GAB3: variants seen among roughly 807,000 people sequenced by gnomAD.
The protein encoded by GAB3 is GRB2-associated-binding protein 3.
A neutral mutation model predicts 40.4 loss-of-function variants in GAB3; 12 were observed. The ratio of observed to expected loss-of-function variants is 0.30; its 90% CI spans 0.19 to 0.48. The LOEUF (loss-of-function observed/expected upper bound fraction) is 0.48, where lower values mean the gene tolerates loss of function less well. GAB3 is among the 20% of genes least tolerant of loss of function. GAB3 has a pLI of 0.99. For missense variants in GAB3, 381 were observed against 461.9 expected (o/e 0.82, Z 1.61); for synonymous variants, 154 against 176.7 (o/e 0.87, Z 1.02).
intron 6 of GAB3, among the ~76,000 whole-genome samples, chrX:154,698,835 G>A (rs1227437567): frequency 2.7e-5 from 3 of 111,888 alleles, no homozygotes; most frequent in African/African-American, 9.7e-5. Flanking sequence ...TGCACAGAAC[G>A]ATGAGTGATA....
chrX:154,709,424 G>C (rs1342001647), intron 4 of GAB3, among the ~76,000 whole-genome samples: 2 of 107,672 alleles, frequency 1.9e-5, no homozygotes, highest in Non-Finnish European at 3.8e-5. Context: ...AGGTTCAAGC[G>C]ATTCTCCTGC....
At chrX:154,703,855 C>T (rs1209649337) in intron 4 of GAB3, among the ~76,000 whole-genome samples, 1 of 110,893 alleles carries the variant, frequency 9.0e-6, no homozygotes, top group Non-Finnish European at 1.9e-5. Flanking sequence ...AACTAAAAAT[C>T]GAGCTACCAT....
intron 1 of GAB3, among the ~76,000 whole-genome samples, chrX:154,738,579 G>T (rs1231323402): frequency 8.9e-6 from 1 of 111,806 alleles, no homozygotes; most frequent in Non-Finnish European, 1.9e-5. Context: ...CATTGGAGTT[G>T]CTGTAATTCA....
intron 1 of GAB3, among the ~76,000 whole-genome samples, chrX:154,730,761 C>T (rs1465002641): frequency 8.9e-6 from 1 of 112,231 alleles, no homozygotes; most frequent in Non-Finnish European, 1.9e-5. Flanking sequence ...TCCTCTCTAT[C>T]CTGGCTCAAT....
At position 154,706,350 on chromosome X, in the gene GAB3, A is replaced by G. The variant is rs1179797354; in HGVS notation, c.1069+5879T>C. On this transcript the variant is annotated intron_variant, in intron 4 of 9. Coordinates refer to ENST00000424127, the MANE Select transcript of GAB3 (RefSeq NM_001081573.3). Reference sequence around the variant, plus strand: ...AGAATCGCTTGAACCTGGAAGGCAGAGGTTGCAGTGAGCCAAGATCGCACC... The same window carrying G: ...AGAATCGCTTGAACCTGGAAGGCAGGGGTTGCAGTGAGCCAAGATCGCACC... 8.3e-5 allele frequency among the ~76,000 whole-genome samples: 9 copies of G among 107,932 alleles called. No individual in the cohort carries two copies. The Admixed American group carries it at 8.9e-4, about 11-fold the overall frequency. The allele number at this position is 107,932 out of a possible 115,157, so 93.7% of individuals were successfully genotyped here.
At chrX:154,678,532 T>C (rs2070329095) in intron 9 of GAB3, among the ~76,000 whole-genome samples, 1 of 111,933 alleles carries the variant, frequency 8.9e-6, no homozygotes, top group Non-Finnish European at 1.9e-5. Flanking sequence ...TGGCCTGGCA[T>C]GGCGGCACGT....
intron 8 of GAB3, among the ~76,000 whole-genome samples, chrX:154,683,677 T>TATACTTC (rs2070407696): frequency 1.8e-5 from 2 of 112,236 alleles, no homozygotes; most frequent in Admixed American, 1.9e-4. Context: ...TCAAGTTGCT[T>TATACTTC]CTTGCCTTCC....
chrX:154,751,141 C>A, upstream of GAB3: 1 of 662,094 alleles, frequency 1.5e-6, no homozygotes, highest in Non-Finnish European at 1.8e-6. Flanking sequence ...CCGCCCCGAG[C>A]GGCCGCTGCG....
chrX:154,710,125 G>A (rs1342643717), intron 4 of GAB3, among the ~76,000 whole-genome samples: 2 of 111,220 alleles, frequency 1.8e-5, no homozygotes, highest in Non-Finnish European at 3.8e-5. Flanking sequence ...TTCACACCTT[G>A]AATATGTGCA....
Position 154,676,450 on chromosome X carries a change from C to T in GAB3, c.*1728G>A, listed in dbSNP as rs913182052. On this transcript the variant is annotated 3_prime_UTR_variant, in exon 10 of 10. Coordinates refer to ENST00000424127, the MANE Select transcript of GAB3 (RefSeq NM_001081573.3). ...TCTGGCTGTGTGTGGTGATGCAGAG[C>T]TGGCTGTGGGGCTTAGGGAGTGGGG... 9.0e-6 allele frequency: 1 copy of T among 111,370 alleles called. No homozygotes were observed. The highest frequency in any genetic ancestry group is 3.3e-5 in the African/African-American group (1 of 30,550). The allele number at this position is 111,370 out of a possible 1,213,427, so 9.2% of individuals were successfully genotyped here.
intron 4 of GAB3, among the ~76,000 whole-genome samples, chrX:154,706,693 G>A (rs2070814137): frequency 9.1e-6 from 1 of 109,756 alleles, no homozygotes; most frequent in Non-Finnish European, 1.9e-5. Flanking sequence ...TGGGAGGATC[G>A]CTTGAGGTCA....
In GAB3 at chrX:154,676,392, G is replaced by A. The variant is rs2070297655; in HGVS notation, c.*1786C>T. On this transcript the variant is annotated 3_prime_UTR_variant, in exon 10 of 10. Transcript: ENST00000424127. The stretch of plus-strand genomic sequence containing the variant: ...GTTTCTTGCCTGAGACTCTTTGCAA[G>A]TCACATGGGGAAGAAGGCAGCTCCT... 9.0e-6 allele frequency: 1 copy of A among 111,225 alleles called. No homozygotes were observed. Among genetic ancestry groups the A allele is most frequent in the African/African-American group, 3.3e-5 (1 of 30,515 alleles). The allele number at this position is 111,225 out of a possible 1,213,427, so 9.2% of individuals were successfully genotyped here.
rs145569530 is a variant in GAB3 at position 154,716,142 on chromosome X, A to G, written c.260T>C (p.Ile87Thr). The change falls in exon 2 of 10, where the codon ATT (isoleucine) becomes ACT (threonine). Residue 87 changes from isoleucine to threonine, a missense_variant. Transcript: ENST00000424127. The part of the protein sequence containing the change: ...RKEFQNNFVF[I>T]VKTTSRTFYL... ...GAATGTACGGGAAGTAGTCTTGACAATGAACACGAAATTATTCTGAAATTC... is the reference window on the plus strand; with the variant it reads ...GAATGTACGGGAAGTAGTCTTGACAGTGAACACGAAATTATTCTGAAATTC... 6.6e-6 allele frequency: 8 copies of G among 1,210,967 alleles called. No individual in the cohort carries two copies. In the African/African-American group the frequency reaches 1.2e-4, roughly 18 times the overall value.
chrX:154,697,138 AC>A lies in GAB3; in HGVS notation c.1420del (p.Val474CysfsTer46). ...TTTGAGCAATCAGTCTTACCAAGGCACAGTGCGGGTCCTGGTAAGAGATGCA... is the reference window on the plus strand; with the variant it reads ...TTTGAGCAATCAGTCTTACCAAGGCAAGTGCGGGTCCTGGTAAGAGATGCA... ...EHASLTRTRT[V>X]PCSRTSFLSP... On this transcript the variant is annotated frameshift_variant, in exon 7 of 10. Transcript: ENST00000424127. LOFTEE classifies it high-confidence loss of function. 8.3e-7 allele frequency: 1 copy of A among 1,205,630 alleles called. No individual in the cohort carries two copies. The highest frequency in any genetic ancestry group is 1.1e-6 in the Non-Finnish European group (1 of 890,580).
chrX:154,696,005 A>C lies in GAB3; in HGVS notation c.1442T>G (p.Phe481Cys). 3.4e-6 allele frequency: 4 copies of C among 1,174,828 alleles called. No individual in the cohort carries two copies. Among genetic ancestry groups the C allele is most frequent in the Non-Finnish European group, 4.6e-6 (4 of 864,127 alleles). Reference sequence around the variant, plus strand: ...AATACCATTTCTTTCTGGAGAGAGAAAGCTGGTTCGACTGCTAAGAATAAA... The same window carrying C: ...AATACCATTTCTTTCTGGAGAGAGACAGCTGGTTCGACTGCTAAGAATAAA... ...TRTVPCSRTS[F>C]LSPERNGINS... The change falls in exon 8 of 10, where the codon TTT becomes TGT. Residue 481 changes from phenylalanine (F) to cysteine (C), a missense_variant. Coordinates refer to ENST00000424127, the MANE Select transcript of GAB3 (RefSeq NM_001081573.3).
At position 154,726,310 on chromosome X, in the gene GAB3, T is replaced by C. The variant is rs782796150; in HGVS notation, c.73-9981A>G. Among the ~76,000 whole-genome samples, 7 of 111,460 alleles carry C rather than the reference T, an allele frequency of 6.3e-5. No individual in the cohort carries two copies. The East Asian group carries it at 2.0e-3, about 31-fold the overall frequency. ...AAAAAAATACACTAGATGGGCATAATAACATCTCAGACTCTGAAGAAGTGA... is the reference window on the plus strand; with the variant it reads ...AAAAAAATACACTAGATGGGCATAACAACATCTCAGACTCTGAAGAAGTGA... On this transcript the variant is annotated intron_variant, in intron 1 of 9. Coordinates refer to ENST00000424127, the MANE Select transcript of GAB3 (RefSeq NM_001081573.3).
intron 8 of GAB3, among the ~76,000 whole-genome samples, 196 bp from the exon 9 acceptor site, chrX:154,680,444 G>C (rs782552584): frequency 8.9e-6 from 1 of 111,974 alleles, no homozygotes; most frequent in Non-Finnish European, 1.9e-5. Context: ...TTTGGCCTTC[G>C]CAATGAAACC....
rs1402806620 is a variant in GAB3, at chrX:154,734,607, A to T, written c.72+16347T>A. On this transcript the variant is annotated intron_variant, in intron 1 of 9. Transcript: ENST00000424127. ...TTTTCAGGCACTGGGCACAACCCAC[A>T]AGGGAAGGAACCCCGACTTTGATGT... Among the ~76,000 whole-genome samples the T allele has an allele frequency of 5.3e-5, 6 of 112,260 alleles. No homozygotes were observed. In the Admixed American group the frequency reaches 5.6e-4, roughly 11 times the overall value.
chrX:154,746,090 T>C (rs1015159923), intron 1 of GAB3, among the ~76,000 whole-genome samples: 4 of 108,322 alleles, frequency 3.7e-5, no homozygotes, highest in Non-Finnish European at 5.7e-5. Flanking sequence ...AGAAAATTTG[T>C]AGTTGATAGC....
Sources: allele counts gnomAD v4.1 joint callset (sites outside exome capture counted in the v4.1 genomes callset), GRCh38; gene constraint gnomAD v4.1.1; transcripts MANE v1.5; gene names NCBI Gene and HGNC (gene_info 2026-07-23, HGNC 2026-07-21).